Variants in UBE3D observed in about 807,000 individuals in gnomAD.
The protein encoded by UBE3D is E3 ubiquitin-protein ligase E3D.
UBE3D carries 48 observed loss-of-function variants against 49.6 expected under a neutral mutation model. The observed-to-expected ratio is 0.97, with a 90% CI of 0.77 to 1.23. The LOEUF is 1.23. Ranked by LOEUF, UBE3D falls within the 50% of genes most tolerant of loss-of-function variation. The pLI, the probability that UBE3D is intolerant of heterozygous loss-of-function variation, is 0.00. For missense variants in UBE3D, 452 were observed against 468.4 expected, an observed-to-expected ratio of 0.96 and a Z score of 0.32; for synonymous variants, 189 against 174.2, an observed-to-expected ratio of 1.08 and a Z score of -0.67.
At chr6:82,964,904 A>G (rs529343905) in intron 8 of UBE3D, among the ~76,000 whole-genome samples, 55 of 152,336 alleles carry the variant, frequency 3.6e-4, no homozygotes, top group Non-Finnish European at 7.4e-4. Context: ...TTGTCCAAAT[A>G]AAGTTCATTA....
At chr6:82,925,989 T>C (rs1191149723) in intron 9 of UBE3D, among the ~76,000 whole-genome samples, 2 of 151,064 alleles carry the variant, frequency 1.3e-5, no homozygotes, top group African/African-American at 2.4e-5. Context: ...TCTAGCTCTA[T>C]AGTCTAAAAT....
chr6:82,981,777 TA>T (rs945624795), intron 8 of UBE3D, among the ~76,000 whole-genome samples: 11 of 151,408 alleles, frequency 7.3e-5, no homozygotes, highest in African/African-American at 1.5e-4. Flanking sequence ...AGAAGAACCT[TA>T]AAAAAAAATC....
chr6:82,957,705 T>C (rs1433842598), intron 8 of UBE3D, among the ~76,000 whole-genome samples: 2 of 152,190 alleles, frequency 1.3e-5, no homozygotes, highest in African/African-American at 4.8e-5. Flanking sequence ...AATGCAGTCT[T>C]AGTTCTGTGG....
the UBE3D span, among the ~76,000 whole-genome samples, chr6:82,886,811 G>A: frequency 6.6e-6 from 1 of 152,238 alleles, no homozygotes; most frequent in South Asian, 2.1e-4. Flanking sequence ...TCTATGCTTG[G>A]CCACTATTTC....
intron 3 of UBE3D, among the ~76,000 whole-genome samples, chr6:83,051,010 G>C (rs1353614079): frequency 6.6e-6 from 1 of 152,140 alleles, no homozygotes; most frequent in African/African-American, 2.4e-5. Flanking sequence ...TCACAGTCTT[G>C]AAACAAAAAG....
At position 82,892,477 on chromosome 6, in the gene UBE3D, T is replaced by C. The variant is rs765783270; in HGVS notation, c.*545A>G. 2 of 156,748 alleles carry C rather than the reference T, an allele frequency of 1.3e-5. No homozygotes were observed. The highest frequency in any genetic ancestry group is 2.4e-5 in the African/African-American group (1 of 41,468). 9.7% of individuals were successfully genotyped at this position (156,748 alleles called of 1,614,324 possible). ...AAAGAAACATGCAGATTTGCATAAA[T>C]AGGAAATCCTTTAATTTGATAATCA... On this transcript the variant is annotated 3_prime_UTR_variant, in exon 10 of 10. Transcript: ENST00000369747.
intron 1 of UBE3D, among the ~76,000 whole-genome samples, chr6:83,061,988 G>A (rs1411036157): frequency 6.6e-6 from 1 of 152,148 alleles, no homozygotes; most frequent in Non-Finnish European, 1.5e-5. Context: ...ATACTCAAAT[G>A]TTAGTTTCTC....
intron 9 of UBE3D, chr6:82,938,113 T>C (rs1774728400): frequency 6.6e-6 from 1 of 152,248 alleles, no homozygotes; most frequent in Admixed American, 6.5e-5. Flanking sequence ...ACAGTTATAT[T>C]ATGCAGACTG....
intron 8 of UBE3D, among the ~76,000 whole-genome samples, chr6:82,967,325 T>G (rs1166926275): frequency 6.6e-6 from 1 of 152,214 alleles, no homozygotes; most frequent in African/African-American, 2.4e-5. Flanking sequence ...CATTTGTGTG[T>G]GTCTATGTGT....
At chr6:83,013,989 G>A (rs1780525063) in intron 8 of UBE3D, among the ~76,000 whole-genome samples, 1 of 152,214 alleles carries the variant, frequency 6.6e-6, no homozygotes, top group Non-Finnish European at 1.5e-5. Context: ...TGCTGGCCTT[G>A]CCAGCTGAAG....
rs756757836 is a variant in UBE3D at position 83,044,653 on chromosome 6, G to A, written c.372C>T (p.Leu124=). The A allele has an allele frequency of 3.1e-6, 5 of 1,612,100 alleles. No individual in the cohort carries two copies. In the African/African-American group the frequency reaches 4.0e-5, roughly 13 times the overall value. Residue 124 remains leucine (L), a synonymous_variant, in exon 4 of 10, where the codon CTC becomes CTT. Transcript: ENST00000369747. ...CACTCGGCAGTGGGAGCACCCTGAG[G>A]AGCTTCCTAGTGGAAAGAGGAAAAA... ...CGEVIIKDRK[L]LRVLPLPSEN...
At chr6:82,933,617 T>C (rs1295765781) in intron 9 of UBE3D, among the ~76,000 whole-genome samples, 1 of 152,204 alleles carries the variant, frequency 6.6e-6, no homozygotes, top group Non-Finnish European at 1.5e-5. Flanking sequence ...ACATTAACTA[T>C]ACAAATGGCC....
chr6:82,900,468 G>T (rs1418182898), intron 9 of UBE3D, among the ~76,000 whole-genome samples: 1 of 152,040 alleles, frequency 6.6e-6, no homozygotes, highest in Admixed American at 6.6e-5. Context: ...CAGATGAATG[G>T]GTTCTGTCAT....
chr6:83,063,416 A>G (rs1233672718), intron 1 of UBE3D, among the ~76,000 whole-genome samples: 1 of 146,356 alleles, frequency 6.8e-6, no homozygotes, highest in Non-Finnish European at 1.5e-5. Flanking sequence ...GCTGTCTAAA[A>G]AAAAAAAAAA....
intron 8 of UBE3D, among the ~76,000 whole-genome samples, chr6:82,978,779 T>A (rs1361680695): frequency 6.6e-6 from 1 of 152,222 alleles, no homozygotes; most frequent in Non-Finnish European, 1.5e-5. Flanking sequence ...ATCCGTATGT[T>A]TAAACAGCAT....
chr6:82,916,922 G>A (rs936548518), intron 9 of UBE3D, among the ~76,000 whole-genome samples: 1 of 152,048 alleles, frequency 6.6e-6, no homozygotes, highest in Non-Finnish European at 1.5e-5. Context: ...GCCCTAAGAA[G>A]TCAGACACTG....
chr6:83,017,550 A>G (rs1780781353), intron 8 of UBE3D: 1 of 152,174 alleles, frequency 6.6e-6, no homozygotes, highest in South Asian at 2.1e-4. Context: ...AATAAAATAT[A>G]AGGATAGTGT....
At chr6:82,980,002 C>A (rs1778003384) in intron 8 of UBE3D, among the ~76,000 whole-genome samples, 1 of 152,040 alleles carries the variant, frequency 6.6e-6, no homozygotes, top group Non-Finnish European at 1.5e-5. Context: ...CACTGATGGA[C>A]ATTTAGGTTG....
At chr6:82,993,921 A>G (rs1280427194) in intron 8 of UBE3D, among the ~76,000 whole-genome samples, 3 of 152,184 alleles carry the variant, frequency 2.0e-5, no homozygotes, top group African/African-American at 7.2e-5. Flanking sequence ...ATGTTTGCCA[A>G]TTTCCCTATT....
Sources: allele counts gnomAD v4.1 joint callset (sites outside exome capture counted in the v4.1 genomes callset), GRCh38; gene constraint gnomAD v4.1.1; transcripts MANE v1.5; gene names NCBI Gene and HGNC (gene_info 2026-07-23, HGNC 2026-07-21).